Variants in PIK3R3 observed in about 807,000 individuals in gnomAD.
The protein encoded by PIK3R3 is phosphatidylinositol 3-kinase regulatory subunit gamma.
PIK3R3 carries 64 observed loss-of-function variants against 62.9 expected under a neutral mutation model. The ratio of observed to expected loss-of-function variants is 1.02; its 90% CI spans 0.83 to 1.25. The LOEUF is 1.25. PIK3R3 is among the 50% of genes most tolerant of loss of function. The probability of loss-of-function intolerance (pLI) is 0.00; values close to 1 mark genes in which losing one functional copy is unlikely to be tolerated. For synonymous variants in PIK3R3, 165 were observed against 189.0 expected (o/e 0.87, Z 1.04); for missense variants, 614 against 561.6 (o/e 1.09, Z -0.94).
chr1:46,083,970 T>C (rs1271955492), intron 1 of PIK3R3, among the ~76,000 whole-genome samples: 1 of 152,148 alleles, frequency 6.6e-6, no homozygotes, highest in Non-Finnish European at 1.5e-5. Context: ...TGCACATGAA[T>C]GTTCATAGTA....
intron 3 of PIK3R3, among the ~76,000 whole-genome samples, chr1:46,072,728 T>C (rs1485421583): frequency 1.3e-5 from 2 of 151,958 alleles, no homozygotes; most frequent in Admixed American, 1.3e-4. Flanking sequence ...GGTGGGAGGA[T>C]CACTTGAGAC....
At chr1:46,087,361 C>T (rs1571453961) in intron 1 of PIK3R3, among the ~76,000 whole-genome samples, 1 of 151,410 alleles carries the variant, frequency 6.6e-6, no homozygotes, top group East Asian at 1.9e-4. Context: ...TCAGGGAACA[C>T]CAAGCTCGCT....
chr1:46,168,442 C>A, the PIK3R3 span, among the ~76,000 whole-genome samples: 3 of 152,152 alleles, frequency 2.0e-5, no homozygotes, highest in African/African-American at 7.2e-5. Context: ...GGGCCTGTTC[C>A]CTCTCTGGAC....
rs1322900343 is a variant in PIK3R3 at position 46,044,021 on chromosome 1, C to T, written c.1188-150G>A. 3 of 649,606 alleles carry T rather than the reference C, an allele frequency of 4.6e-6. No individual in the cohort carries two copies. In the Admixed American group the frequency reaches 8.4e-5, roughly 18 times the overall value. The allele number at this position is 649,606 out of a possible 1,614,324, so 40.2% of individuals were successfully genotyped here. A position where few individuals can be genotyped will look rare whatever the true frequency, so the allele number is the denominator to read the frequency against. On this transcript the variant is annotated intron_variant, in intron 9 of 9. Transcript: ENST00000262741. This position sits in a 1 kb window ranked among gnomAD's most constrained non-coding sequence, Gnocchi z 4.2. ...TGTGAAATTGCGTTCCCATTCCCTA[C>T]AGACTTGGCCACAGATACGGGTGTT...
At chr1:46,140,977 C>T in the PIK3R3 span, among the ~76,000 whole-genome samples, 2 of 152,170 alleles carry the variant, frequency 1.3e-5, no homozygotes, top group Non-Finnish European at 2.9e-5. Flanking sequence ...CCTCCCACCT[C>T]AGCCTCCTGA....
At chr1:46,102,953 A>T (rs1652846877) in intron 1 of PIK3R3, among the ~76,000 whole-genome samples, 2 of 152,200 alleles carry the variant, frequency 1.3e-5, no homozygotes, top group African/African-American at 4.8e-5. Context: ...GGATAAACAA[A>T]ATGTGGTATA....
In PIK3R3 at chr1:46,071,712, A is replaced by ATATATATAT. The variant is rs1553148026; in HGVS notation, c.315-4622_315-4621insATATATATA. Among the ~76,000 whole-genome samples the ATATATATAT allele has an allele frequency of 5.7e-4, 14 of 24,642 alleles. 2 individuals are homozygous for ATATATATAT. The highest frequency in any genetic ancestry group is 7.7e-4 in the African/African-American group (5 of 6,464). 16.2% of individuals were successfully genotyped at this position (24,642 alleles called of 152,430 possible). On this transcript the variant is annotated intron_variant, in intron 3 of 9. Coordinates refer to ENST00000262741, the MANE Select transcript of PIK3R3 (RefSeq NM_003629.4). ...CTCTGTCTCCAAAAAAAAAAAAAAAAATATATATATATATATATAGAGAGA... is the reference window on the plus strand; with the variant it reads ...CTCTGTCTCCAAAAAAAAAAAAAAAATATATATATATATATATATATATATATAGAGAGA...
chr1:46,108,984 C>T (rs887547793), intron 1 of PIK3R3, among the ~76,000 whole-genome samples: 3 of 152,198 alleles, frequency 2.0e-5, no homozygotes, highest in South Asian at 4.2e-4. Flanking sequence ...ACGGTGAAAC[C>T]GTGTCTCTAC....
Position 46,132,616 on chromosome 1 carries a change from C to T in PIK3R3, c.-664G>A, listed in dbSNP as rs1019870861. 1 of 1,289,664 alleles carries T rather than the reference C, an allele frequency of 7.8e-7. No individual in the cohort carries two copies. The highest frequency in any genetic ancestry group is 1.0e-6 in the Non-Finnish European group (1 of 988,786). The allele number at this position is 1,289,664 out of a possible 1,614,324, so 79.9% of individuals were successfully genotyped here. A position where few individuals can be genotyped will look rare whatever the true frequency, so the allele number is the denominator to read the frequency against. ...AACCAACCCGACCGCACCAACTGCCCTCAAGCTCTGCCCGGACTCCAGCCA... is the reference window on the plus strand; with the variant it reads ...AACCAACCCGACCGCACCAACTGCCTTCAAGCTCTGCCCGGACTCCAGCCA... On this transcript the variant is annotated 5_prime_UTR_variant, in exon 1 of 10. Coordinates refer to ENST00000262741, the MANE Select transcript of PIK3R3 (RefSeq NM_003629.4).
At chr1:46,168,763 G>T in the PIK3R3 span, among the ~76,000 whole-genome samples, 3 of 152,294 alleles carry the variant, frequency 2.0e-5, no homozygotes, top group Admixed American at 2.0e-4. Context: ...GGCTCTGGAG[G>T]CCTGACAACT....
chr1:46,045,923 A>C lies in PIK3R3; in HGVS notation c.1182T>G (p.Ser394=). 1.2e-6 allele frequency: 2 copies of C among 1,612,600 alleles called. No individual in the cohort carries two copies. Among genetic ancestry groups the C allele is most frequent in the Non-Finnish European group, 1.7e-6 (2 of 1,178,936 alleles). ...ESSKKGCYAC[S]VVADGEVKHC... ...TATCCCCAGAGAAGACTTACACCAC[A>C]GAGCAAGCATAGCATCCTTTCTTGC... The change falls in exon 9 of 10, where the codon TCT becomes TCG. Residue 394 remains serine, a synonymous_variant. Transcript: ENST00000262741.
At position 46,042,361 on chromosome 1, in the gene PIK3R3, A is replaced by G; in HGVS notation, c.*1312T>C. 4.4e-6 allele frequency: 1 copy of G among 229,400 alleles called. No homozygotes were observed. The highest frequency in any genetic ancestry group is 8.6e-6 in the Non-Finnish European group (1 of 115,638). The allele number at this position is 229,400 out of a possible 1,614,324, so 14.2% of individuals were successfully genotyped here. ...AAAAGGCAAAGAGAAAAGCTTCCAG[A>G]TGGCTTCTACTAACAGTCTAAACAC... is the stretch of plus-strand genomic sequence containing the variant. On this transcript the variant is annotated 3_prime_UTR_variant, in exon 10 of 10. Transcript: ENST00000262741. This position sits in a 1 kb window ranked among gnomAD's most constrained non-coding sequence, Gnocchi z 4.3.
chr1:46,169,228 C>T, the PIK3R3 span, among the ~76,000 whole-genome samples: 1 of 152,186 alleles, frequency 6.6e-6, no homozygotes, highest in African/African-American at 2.4e-5. Context: ...AGTTCTGTTA[C>T]TCCCTAGCTG....
intron 7 of PIK3R3, among the ~76,000 whole-genome samples, chr1:46,049,417 C>T (rs959298930): frequency 2.0e-5 from 3 of 152,200 alleles, no homozygotes; most frequent in African/African-American, 7.2e-5. Flanking sequence ...TTGAAGCTGA[C>T]GCCTTCGTCC....
the PIK3R3 span, among the ~76,000 whole-genome samples, chr1:46,157,804 G>A: frequency 1.3e-5 from 2 of 152,130 alleles, no homozygotes; most frequent in Admixed American, 6.5e-5. Context: ...AAAACAAGAA[G>A]GTGCCCAGGG....
rs34168524 is a variant in PIK3R3 at position 46,046,594 on chromosome 1, G to A, written c.973C>T (p.Arg325Cys). 1.3e-3 allele frequency: 2,043 copies of A among 1,613,436 alleles called. 4 individuals are homozygous for A. Among genetic ancestry groups the A allele is most frequent in the Non-Finnish European group, 1.4e-3 (1,660 of 1,179,410 alleles). ...WLNHKGVRQK[R>C]LNVWLGIKNE... is the part of the protein sequence containing the mutation. ...TTAATTCCCAGCCAGACATTCAGGC[G>A]TTTCTGTCTCACTCCTTTGTGATTG... The change falls in exon 8 of 10, where the codon CGC becomes TGC. Residue 325 changes from arginine to cysteine, a missense_variant. Physicochemically the swap from Arg to Cys is radical, Grantham distance 180 (BLOSUM62 -3). Coordinates refer to ENST00000262741, the MANE Select transcript of PIK3R3 (RefSeq NM_003629.4).
chr1:46,128,090 G>T lies in PIK3R3; in HGVS notation c.106+3757C>A, dbSNP rs759832960. Among the ~76,000 whole-genome samples the T allele has an allele frequency of 2.8e-4, 42 of 152,138 alleles. 1 individual carries two copies. In the Middle Eastern group the frequency reaches 0.034, roughly 123 times the overall value. On this transcript the variant is annotated intron_variant, in intron 1 of 9. Transcript: ENST00000262741. The stretch of plus-strand genomic sequence containing the variant: ...ACATCTTTGAAAAATAGTTTTTGAG[G>T]CCACTAGAAGCAATAATAGATAAAA...
intron 1 of PIK3R3, among the ~76,000 whole-genome samples, chr1:46,086,263 T>A (rs532539143): frequency 6.6e-6 from 1 of 152,174 alleles, no homozygotes; most frequent in Non-Finnish European, 1.5e-5. Flanking sequence ...TAGGTATGTA[T>A]GTATATTGTA....
chr1:46,158,755 A>C, the PIK3R3 span, among the ~76,000 whole-genome samples: 1 of 152,234 alleles, frequency 6.6e-6, no homozygotes, highest in Non-Finnish European at 1.5e-5. Flanking sequence ...TCAAAAAAGA[A>C]TGGTTGACAA....
Sources: allele counts gnomAD v4.1 joint callset (sites outside exome capture counted in the v4.1 genomes callset), GRCh38; gene constraint gnomAD v4.1.1; non-coding constraint Gnocchi (gnomAD v3.1); transcripts MANE v1.5; gene names NCBI Gene and HGNC (gene_info 2026-07-23, HGNC 2026-07-21).